Variants in CADPS2 observed in about 807,000 individuals in gnomAD.
CADPS2 encodes calcium-dependent secretion activator 2.
In CADPS2, 93 loss-of-function variants were observed where a neutral mutation model predicts 172.5. That is an observed-to-expected ratio of 0.54 (90% CI 0.46 to 0.64). The LOEUF is 0.64. Among genes scored for constraint, CADPS2 ranks in the 30% least tolerant of loss-of-function variants. The probability of loss-of-function intolerance (pLI) is 0.00; values close to 1 mark genes in which losing one functional copy is unlikely to be tolerated. For missense variants in CADPS2, 1,420 were observed against 1,565.9 expected (o/e 0.91, Z 1.57); for synonymous variants, 546 against 555.2 (o/e 0.98, Z 0.23).
intron 27 of CADPS2, among the ~76,000 whole-genome samples, chr7:122,352,992 C>T (rs1389800826): frequency 6.6e-6 from 1 of 152,114 alleles, no homozygotes; most frequent in Non-Finnish European, 1.5e-5. Context: ...GAAACAATAA[C>T]AATTTATTGC....
In CADPS2 at chr7:122,558,024, G is replaced by A. The variant is rs570757048; in HGVS notation, c.1336-3335C>T. On this transcript the variant is annotated intron_variant, in intron 7 of 29. Transcript: ENST00000449022. ...AGAAATCAGAGCCCTAAATCACCAT[G>A]TGGAAGAAAGTCACACTTCTATCAG... 3.9e-5 allele frequency among the ~76,000 whole-genome samples: 6 copies of A among 152,292 alleles called. No individual in the cohort carries two copies. The South Asian group carries it at 1.2e-3, about 32-fold the overall frequency.
intron 2 of CADPS2, among the ~76,000 whole-genome samples, chr7:122,714,210 A>T (rs1383754620): frequency 6.6e-6 from 1 of 152,120 alleles, no homozygotes; most frequent in Non-Finnish European, 1.5e-5. Flanking sequence ...TTATACTAAC[A>T]GATTACTCAG....
intron 14 of CADPS2, among the ~76,000 whole-genome samples, chr7:122,466,714 T>A (rs2055185508): frequency 6.6e-6 from 1 of 152,232 alleles, no homozygotes; most frequent in Non-Finnish European, 1.5e-5. Context: ...CAGAATTTTA[T>A]TTGACCTATT....
intron 2 of CADPS2, chr7:122,699,089 TACTA>T (rs2085623168): frequency 7.0e-6 from 4 of 572,814 alleles, no homozygotes; most frequent in Non-Finnish European, 1.2e-5. Flanking sequence ...TCAGATGTCT[TACTA>T]GAGAGAGGTG....
At chr7:122,637,208 T>TTTTTTCTCTC (rs778963218) in intron 3 of CADPS2, among the ~76,000 whole-genome samples, 1 of 62,694 alleles carries the variant, frequency 1.6e-5, no homozygotes, top group East Asian at 6.9e-4. Context: ...TTTTTTTTTT[T>TTTTTTCTCTC]CCTGAGACAG....
chr7:122,710,339 C>T (rs920231721), intron 2 of CADPS2, among the ~76,000 whole-genome samples: 3 of 151,946 alleles, frequency 2.0e-5, no homozygotes, highest in African/African-American at 4.8e-5. Flanking sequence ...CAGAGAAAAA[C>T]GATGACAACA....
intron 25 of CADPS2, among the ~76,000 whole-genome samples, chr7:122,362,436 T>A (rs755372380): frequency 1.3e-5 from 2 of 152,196 alleles, no homozygotes; most frequent in Non-Finnish European, 2.9e-5. Flanking sequence ...GGGGGTAGGA[T>A]GTGGAATTCA....
At chr7:122,778,442 G>T (rs1006060637) in intron 1 of CADPS2, among the ~76,000 whole-genome samples, 8 of 152,334 alleles carry the variant, frequency 5.3e-5, no homozygotes, top group Admixed American at 5.2e-4. Flanking sequence ...ATTTGCCCAA[G>T]TAACATGGAG....
intron 1 of CADPS2, among the ~76,000 whole-genome samples, chr7:122,837,536 A>G (rs533754014): frequency 3.3e-5 from 5 of 152,346 alleles, no homozygotes; most frequent in African/African-American, 1.2e-4. Context: ...CACTAGCAAG[A>G]CTAATAAAGA....
At chr7:122,721,225 C>T (rs1483013989) in intron 2 of CADPS2, among the ~76,000 whole-genome samples, 1 of 151,958 alleles carries the variant, frequency 6.6e-6, no homozygotes, top group Non-Finnish European at 1.5e-5. Context: ...CACAAAAAAC[C>T]CTTCAAAAAA....
rs992020387 is a variant in CADPS2, at chr7:122,588,295, T to C, written c.1224-7005A>G. Among the ~76,000 whole-genome samples, 4 of 151,754 alleles carry C rather than the reference T, an allele frequency of 2.6e-5. No homozygotes were observed. The East Asian group carries it at 5.9e-4, about 22-fold the overall frequency. On this transcript the variant is annotated intron_variant, in intron 6 of 29. Transcript: ENST00000449022. ...TCATGAAATCTTTGCCTAAATGGTATTGCCTACATTTTCTTCTAGGGTTTA... is the reference window on the plus strand; with the variant it reads ...TCATGAAATCTTTGCCTAAATGGTACTGCCTACATTTTCTTCTAGGGTTTA...
At chr7:122,648,667 G>A (rs1019373402) in intron 3 of CADPS2, among the ~76,000 whole-genome samples, 4 of 152,150 alleles carry the variant, frequency 2.6e-5, no homozygotes, top group East Asian at 1.9e-4. Context: ...CAGAAATTCC[G>A]ACACTTTTAT....
chr7:122,608,143 G>C (rs1440606467), intron 6 of CADPS2, among the ~76,000 whole-genome samples: 1 of 151,744 alleles, frequency 6.6e-6, no homozygotes, highest in Non-Finnish European at 1.5e-5. Flanking sequence ...TTGAACCCAG[G>C]AGGCGGAGAT....
At chr7:122,344,348 G>A (rs973369390) in intron 28 of CADPS2, among the ~76,000 whole-genome samples, 2 of 151,850 alleles carry the variant, frequency 1.3e-5, no homozygotes, top group South Asian at 2.1e-4. Context: ...TATGTCACAA[G>A]CAAAGTATCA....
At chr7:122,675,734 C>T (rs1462612544) in intron 2 of CADPS2, among the ~76,000 whole-genome samples, 1 of 152,130 alleles carries the variant, frequency 6.6e-6, no homozygotes, top group East Asian at 1.9e-4. Context: ...AAACCAAACA[C>T]CATACATTCT....
At chr7:122,376,967 A>T (rs575803136) in intron 25 of CADPS2, among the ~76,000 whole-genome samples, 1 of 152,234 alleles carries the variant, frequency 6.6e-6, no homozygotes, top group East Asian at 1.9e-4. Flanking sequence ...AATTATTGTC[A>T]TCTCTTATAG....
chr7:122,762,260 T>C (rs146672807), intron 1 of CADPS2, among the ~76,000 whole-genome samples: 83 of 151,930 alleles, frequency 5.5e-4, no homozygotes, highest in Middle Eastern at 3.4e-3. Flanking sequence ...GAGAACAAGC[T>C]GGGCGGCAGT....
At chr7:122,438,495 G>T (rs180958201) in intron 16 of CADPS2, 31 bp from the exon 17 acceptor site, 1 of 1,609,856 alleles carries the variant, frequency 6.2e-7, no homozygotes, top group Admixed American at 1.7e-5. Context: ...AGGGTGAGGG[G>T]CAGGGTTGGG....
intron 7 of CADPS2, among the ~76,000 whole-genome samples, chr7:122,556,974 C>T (rs2065107735): frequency 6.6e-6 from 1 of 152,012 alleles, no homozygotes; most frequent in Non-Finnish European, 1.5e-5. Flanking sequence ...TTGGCTTCTC[C>T]CTATCATATG....
Sources: gnomAD v4.1 joint callset for allele counts (sites outside exome capture counted in the v4.1 genomes callset) on GRCh38, gnomAD v4.1.1 for gene constraint, MANE v1.5 for transcripts, NCBI Gene and HGNC (gene_info 2026-07-23, HGNC 2026-07-21) for gene names.